Variants in TNS1 observed in about 807,000 individuals in gnomAD.
TNS1 encodes tensin-1.
A neutral mutation model predicts 168.6 loss-of-function variants in TNS1; 62 were observed. The ratio of observed to expected loss-of-function variants is 0.37; its 90% confidence interval spans 0.30 to 0.45. The LOEUF (loss-of-function observed/expected upper bound fraction) is 0.45. Among genes scored for constraint, TNS1 ranks in the 20% least tolerant of loss-of-function variants. The pLI, the probability that TNS1 is intolerant of heterozygous loss-of-function variation, is 1.00. For synonymous variants in TNS1, 934 were observed against 933.2 expected, an observed-to-expected ratio of 1.00 and a Z score of -0.02; for missense variants, 2,240 against 2,339.4, an observed-to-expected ratio of 0.96 and a Z score of 0.88.
intron 3 of TNS1, among the ~76,000 whole-genome samples, chr2:217,932,707 C>A (rs1455048314): frequency 6.6e-6 from 1 of 152,166 alleles, no homozygotes; most frequent in Non-Finnish European, 1.5e-5. Flanking sequence ...AAGATCCCAT[C>A]TATTGTCAAA....
Position 217,818,001 on chromosome 2 carries a change from C to T in TNS1, c.4331G>A (p.Ser1444Asn), listed in dbSNP as rs1183164576. 6.3e-7 allele frequency: 1 copy of T among 1,597,604 alleles called. No homozygotes were observed. The highest frequency in any genetic ancestry group is 1.8e-5 in the Admixed American group (1 of 56,556). Reference sequence around the variant, plus strand: ...AGGAGCCTGGTAGCCAGAGGCACTGCTCTGCCGGGACAGTGTGGGTCTCCG... The same window carrying T: ...AGGAGCCTGGTAGCCAGAGGCACTGTTCTGCCGGGACAGTGTGGGTCTCCG... ...EDRRPTLSRQ[S>N]SASGYQAPST... Residue 1444 changes from serine (S) to asparagine (N), a missense_variant, in exon 24 of 33, where the codon AGC becomes AAC. Coordinates refer to ENST00000682258, the MANE Select transcript of TNS1 (RefSeq NM_001387777.1).
intron 3 of TNS1, among the ~76,000 whole-genome samples, chr2:217,944,876 G>T (rs1051596307): frequency 2.6e-5 from 4 of 152,168 alleles, no homozygotes; most frequent in Non-Finnish European, 4.4e-5. Context: ...GATGTGAAAA[G>T]TTTAGAGCAC....
intron 18 of TNS1, among the ~76,000 whole-genome samples, chr2:217,863,794 G>T (rs1302350494): frequency 6.6e-6 from 1 of 152,132 alleles, no homozygotes; most frequent in African/African-American, 2.4e-5. Context: ...GAAGGAAGGG[G>T]TCTCCCAAGA....
intron 3 of TNS1, among the ~76,000 whole-genome samples, chr2:217,949,192 C>T (rs1011251013): frequency 2.4e-4 from 37 of 152,218 alleles, no homozygotes; most frequent in African/African-American, 8.2e-4. Flanking sequence ...CTCTTGGATT[C>T]GATCTCCTCA....
At chr2:217,937,880 T>TC (rs1354711943) in intron 3 of TNS1, among the ~76,000 whole-genome samples, 5 of 151,794 alleles carry the variant, frequency 3.3e-5, no homozygotes, top group Non-Finnish European at 5.9e-5. Context: ...TCTTTCCGCT[T>TC]CCCCTGAAGC....
chr2:218,015,054 G>A (rs1958745703), upstream of TNS1, among the ~76,000 whole-genome samples: 1 of 152,272 alleles, frequency 6.6e-6, no homozygotes, highest in Admixed American at 6.5e-5. Context: ...ACTGTAGTCA[G>A]GACCATGAAG....
chr2:218,028,138 T>C (rs1369725688), intron 1 of TNS1, among the ~76,000 whole-genome samples: 2 of 152,206 alleles, frequency 1.3e-5, no homozygotes, highest in Non-Finnish European at 2.9e-5. Flanking sequence ...TCTCATGCTC[T>C]TCAAACCTCA....
intron 16 of TNS1, 32 bp from the exon 17 acceptor site, chr2:217,882,443 C>G (rs1559293931): frequency 9.6e-6 from 14 of 1,451,016 alleles, no homozygotes; most frequent in Middle Eastern, 1.7e-4. Flanking sequence ...TAAAAATAGG[C>G]AAAAAGTCCC....
At chr2:217,903,669 A>C in intron 6 of TNS1, 1 of 1,415,584 alleles carries the variant, frequency 7.1e-7, no homozygotes, top group Non-Finnish European at 9.6e-7. Flanking sequence ...CCTCCCAGAC[A>C]GAGTGTCTTA....
rs1559119010 is a variant in TNS1 at position 217,800,551 on chromosome 2, A to G, written c.*3908T>C. The G allele has an allele frequency of 6.6e-6, 1 of 152,288 alleles. No homozygotes were observed. Among genetic ancestry groups the G allele is most frequent in the Non-Finnish European group, 1.5e-5 (1 of 68,072 alleles). The allele number at this position is 152,288 out of a possible 1,614,324, so 9.4% of individuals were successfully genotyped here. A position where few individuals can be genotyped will look rare whatever the true frequency, so the allele number is the denominator to read the frequency against. ...GAGCAAAACACACGCACACACATACATCCACACTTGCACATGCGCACACAC... is the reference window on the plus strand; with the variant it reads ...GAGCAAAACACACGCACACACATACGTCCACACTTGCACATGCGCACACAC... On this transcript the variant is annotated 3_prime_UTR_variant, in exon 33 of 33. Coordinates refer to ENST00000682258, the MANE Select transcript of TNS1 (RefSeq NM_001387777.1).
chr2:217,922,438 G>A, intron 3 of TNS1, among the ~76,000 whole-genome samples: 1 of 152,090 alleles, frequency 6.6e-6, no homozygotes, highest in East Asian at 1.9e-4. Flanking sequence ...TTCTGAGCTT[G>A]GGCTGGGCAG....
At chr2:217,922,134 G>C (rs1375845229) in intron 3 of TNS1, among the ~76,000 whole-genome samples, 2 of 152,224 alleles carry the variant, frequency 1.3e-5, no homozygotes, top group Non-Finnish European at 2.9e-5. Flanking sequence ...AGAGCCCAGG[G>C]CTGGGGGAGA....
At chr2:217,993,960 A>AAATT (rs1958422304) in intron 1 of TNS1, among the ~76,000 whole-genome samples, 1 of 152,234 alleles carries the variant, frequency 6.6e-6, no homozygotes, top group Non-Finnish European at 1.5e-5. Flanking sequence ...GCAGACAGAG[A>AAATT]CGTCAGGGAT....
At chr2:217,926,050 C>A (rs983552283) in intron 3 of TNS1, among the ~76,000 whole-genome samples, 2 of 152,126 alleles carry the variant, frequency 1.3e-5, no homozygotes, top group East Asian at 3.9e-4. Context: ...AGGCCCTAAT[C>A]CAATCTGACT....
At chr2:217,878,433 G>A (rs200726422) in intron 18 of TNS1, among the ~76,000 whole-genome samples, 1 of 150,866 alleles carries the variant, frequency 6.6e-6, no homozygotes, top group South Asian at 2.1e-4. Context: ...TGACTGGCTT[G>A]GCAAGCTGGG....
intron 19 of TNS1, among the ~76,000 whole-genome samples, chr2:217,840,402 G>A (rs1945790267): frequency 6.6e-6 from 1 of 152,220 alleles, no homozygotes; most frequent in African/African-American, 2.4e-5. Flanking sequence ...CATCCACAAG[G>A]TCCAGGGCAT....
intron 3 of TNS1, among the ~76,000 whole-genome samples, chr2:217,973,266 G>A (rs1421977572): frequency 1.3e-5 from 2 of 151,802 alleles, no homozygotes; most frequent in Admixed American, 1.3e-4. Flanking sequence ...GGCTGAGGTG[G>A]GAGGATTGAG....
intron 3 of TNS1, among the ~76,000 whole-genome samples, chr2:217,961,565 C>T (rs762851741): frequency 3.3e-5 from 5 of 152,072 alleles, no homozygotes; most frequent in African/African-American, 1.2e-4. Context: ...AATGCTTCTC[C>T]CATCTTACAA....
Position 217,894,942 on chromosome 2 carries a change from C to T in TNS1, c.594+64G>A. On this transcript the variant is annotated intron_variant, in intron 9 of 32. Coordinates refer to ENST00000682258, the MANE Select transcript of TNS1 (RefSeq NM_001387777.1). ...TTTCCCCAAGATTATTATGTGGGAACTCCAGAGAGGGAGTCCATCTGTTCT... is the reference window on the plus strand; with the variant it reads ...TTTCCCCAAGATTATTATGTGGGAATTCCAGAGAGGGAGTCCATCTGTTCT... 2.0e-6 allele frequency: 3 copies of T among 1,485,324 alleles called. No individual in the cohort carries two copies. The East Asian group carries it at 6.8e-5, about 34-fold the overall frequency. The allele number at this position is 1,485,324 out of a possible 1,614,324, so 92.0% of individuals were successfully genotyped here.
Sources: gnomAD v4.1 joint callset for allele counts (sites outside exome capture counted in the v4.1 genomes callset) on GRCh38, gnomAD v4.1.1 for gene constraint, MANE v1.5 for transcripts, NCBI Gene and HGNC (gene_info 2026-07-23, HGNC 2026-07-21) for gene names.